The following CACNB4 variants were observed in gnomAD, a reference collection of about 807,000 sequenced individuals.
CACNB4 encodes the protein voltage-dependent L-type calcium channel subunit beta-4.
CACNB4 carries 32 observed loss-of-function variants against 71.2 expected under a neutral mutation model. The observed-to-expected ratio is 0.45, with a 90% CI of 0.34 to 0.60. The LOEUF (loss-of-function observed/expected upper bound fraction) is 0.60, where lower values mean the gene tolerates loss of function less well. CACNB4 is among the 20% of genes least tolerant of loss of function. The pLI, the probability that CACNB4 is intolerant of heterozygous loss-of-function variation, is 0.01. For synonymous variants in CACNB4, 231 were observed against 236.9 expected (o/e 0.97, Z 0.23); for missense variants, 464 against 647.9 (o/e 0.72, Z 3.08).
intron 2 of CACNB4, among the ~76,000 whole-genome samples, chr2:151,952,601 C>A (rs564898872): frequency 1.3e-5 from 2 of 152,082 alleles, no homozygotes; most frequent in Non-Finnish European, 2.9e-5. Flanking sequence ...TAATAATATG[C>A]CTTAGAACGC....
intron 2 of CACNB4, among the ~76,000 whole-genome samples, chr2:151,930,586 T>C (rs529733076): frequency 6.6e-6 from 1 of 152,236 alleles, no homozygotes; most frequent in South Asian, 2.1e-4. Context: ...TGCTCATTAG[T>C]AGGGGATTGG....
At chr2:151,859,908 A>G (rs571397074) in intron 10 of CACNB4, 1 of 152,254 alleles carries the variant, frequency 6.6e-6, no homozygotes, top group East Asian at 1.9e-4. Flanking sequence ...TTTTTCTATT[A>G]TCTATAGAGC....
chr2:152,006,216 A>G (rs1415493068), intron 2 of CACNB4, among the ~76,000 whole-genome samples: 2 of 152,036 alleles, frequency 1.3e-5, no homozygotes, highest in Non-Finnish European at 2.9e-5. Context: ...CACATTGCCC[A>G]GGATTTATGT....
rs995661557 is a variant in CACNB4, at chr2:151,834,454, T to C, written c.*4665A>G. ...GATGAGATACTTTCTAGTCTTCTCATAATGTCCCTCAATTACATGAAGCAT... is the reference window on the plus strand; with the variant it reads ...GATGAGATACTTTCTAGTCTTCTCACAATGTCCCTCAATTACATGAAGCAT... On this transcript the variant is annotated 3_prime_UTR_variant, in exon 14 of 14. Coordinates refer to ENST00000539935, the MANE Select transcript of CACNB4 (RefSeq NM_000726.5). The C allele has an allele frequency of 1.3e-5, 2 of 152,006 alleles. No homozygotes were observed. The highest frequency in any genetic ancestry group is 4.8e-5 in the African/African-American group (2 of 41,446). 9.4% of individuals were successfully genotyped at this position (152,006 alleles called of 1,614,324 possible).
At chr2:151,977,601 GGAGA>G (rs2099874049) in intron 2 of CACNB4, among the ~76,000 whole-genome samples, 1 of 152,190 alleles carries the variant, frequency 6.6e-6, no homozygotes, top group South Asian at 2.1e-4. Flanking sequence ...GAGAGAAGAA[GGAGA>G]GAAAAGCCAA....
At position 151,880,826 on chromosome 2, in the gene CACNB4, C is replaced by T; in HGVS notation, c.364G>A (p.Ala122Thr). 6.2e-7 allele frequency: 1 copy of T among 1,613,260 alleles called. No homozygotes were observed. The highest frequency in any genetic ancestry group is 8.5e-7 in the Non-Finnish European group (1 of 1,179,536). ...TCTTTAATATGTAGAAAGTCTTTAG[C>T]ATCAAAGGAGATAGCTGTGCTTGGA... is the stretch of plus-strand genomic sequence containing the variant. ...PVPSTAISFD[A>T]KDFLHIKEKY... The change falls in exon 4 of 14, where the codon GCT (alanine) becomes ACT (threonine). Residue 122 changes from alanine to threonine, a missense_variant. Ala to Thr is a moderately conservative substitution (Grantham distance 58). Transcript: ENST00000539935.
At chr2:152,002,861 T>C (rs921288937) in intron 2 of CACNB4, among the ~76,000 whole-genome samples, 27 of 152,246 alleles carry the variant, frequency 1.8e-4, no homozygotes, top group African/African-American at 5.8e-4. Context: ...GAGGTACTAG[T>C]GTTAGCAGGA....
chr2:151,988,164 TA>T, intron 2 of CACNB4, among the ~76,000 whole-genome samples: 1 of 152,326 alleles, frequency 6.6e-6, no homozygotes, highest in East Asian at 1.9e-4. Flanking sequence ...ACTGCTACTG[TA>T]TTTTTTTTTC....
intron 2 of CACNB4, among the ~76,000 whole-genome samples, chr2:152,087,600 G>T (rs534851362): frequency 3.3e-5 from 5 of 151,622 alleles, no homozygotes; most frequent in African/African-American, 7.3e-5. Flanking sequence ...CTATCCTCAC[G>T]CCAGCATCTA....
At chr2:151,997,780 T>A (rs1682148670) in intron 2 of CACNB4, among the ~76,000 whole-genome samples, 1 of 152,152 alleles carries the variant, frequency 6.6e-6, no homozygotes, top group Non-Finnish European at 1.5e-5. Context: ...GTGTGCTATT[T>A]TACACCACCG....
rs767080897 is a variant in CACNB4, at chr2:152,098,970, C to T, written c.42G>A (p.Gly14=). 2.6e-6 allele frequency: 4 copies of T among 1,529,504 alleles called. No homozygotes were observed. The African/African-American group carries it at 4.2e-5, about 16-fold the overall frequency. 94.7% of individuals were successfully genotyped at this position (1,529,504 alleles called of 1,614,324 possible). A position where few individuals can be genotyped will look rare whatever the true frequency, so the allele number is the denominator to read the frequency against. The change falls in exon 1 of 14, where the codon GGG becomes GGA. Residue 14 remains glycine, a synonymous_variant. Coordinates refer to ENST00000539935, the MANE Select transcript of CACNB4 (RefSeq NM_000726.5). The surrounding 1 kb of genome is among the most constrained non-coding windows in gnomAD (Gnocchi z 5.3). ...SSYAKNGTAD[G]PHSPTSQVAR... ...GTACCTGCGAGGTGGGGGAGTGCGG[C>T]CCGTCCGCGGTCCCGTTCTTGGCGT...
chr2:152,076,224 C>A (rs1687006857), intron 2 of CACNB4, among the ~76,000 whole-genome samples: 1 of 140,338 alleles, frequency 7.1e-6, no homozygotes, highest in African/African-American at 2.6e-5. Flanking sequence ...CTCACTGCAA[C>A]CTCTGCCTCC....
chr2:152,093,463 C>G (rs930415497), intron 2 of CACNB4, among the ~76,000 whole-genome samples: 1 of 149,494 alleles, frequency 6.7e-6, no homozygotes, highest in Non-Finnish European at 1.5e-5. Context: ...ATAACGTGAC[C>G]TTGTTGCACC....
intron 2 of CACNB4, among the ~76,000 whole-genome samples, chr2:152,097,229 C>T (rs905819581): frequency 1.3e-5 from 2 of 152,050 alleles, no homozygotes; most frequent in Admixed American, 6.5e-5. Flanking sequence ...TAGGAGAGGT[C>T]TGAGTTCAAT....
At chr2:151,975,170 G>A (rs981704814) in intron 2 of CACNB4, among the ~76,000 whole-genome samples, 1 of 152,230 alleles carries the variant, frequency 6.6e-6, no homozygotes, top group Admixed American at 6.5e-5. Flanking sequence ...TTTGTCAGCT[G>A]GAAGGCACTG....
intron 2 of CACNB4, among the ~76,000 whole-genome samples, chr2:152,057,318 C>G (rs909090212): frequency 2.0e-5 from 3 of 152,150 alleles, no homozygotes; most frequent in Non-Finnish European, 1.5e-5. Flanking sequence ...CTCATTGCAG[C>G]CTTGTGACTA....
chr2:151,955,735 T>A (rs2151678668), intron 2 of CACNB4, among the ~76,000 whole-genome samples: 1 of 151,630 alleles, frequency 6.6e-6, no homozygotes, highest in African/African-American at 2.4e-5. Context: ...TGAGACCCCA[T>A]CTCCACAAAA....
intron 2 of CACNB4, among the ~76,000 whole-genome samples, chr2:152,006,784 G>A (rs372410005): frequency 2.8e-4 from 43 of 152,158 alleles, no homozygotes; most frequent in African/African-American, 8.7e-4. Flanking sequence ...ACCAACCATC[G>A]TCATGGCAGC....
intron 6 of CACNB4, 86 bp downstream of exon 6, chr2:151,872,331 C>A: frequency 1.3e-6 from 1 of 751,736 alleles, no homozygotes; most frequent in South Asian, 1.6e-5. Context: ...AAATTGTTTC[C>A]AAATTAGCAA....
Sources: allele counts gnomAD v4.1 joint callset (sites outside exome capture counted in the v4.1 genomes callset), GRCh38; gene constraint gnomAD v4.1.1; non-coding constraint Gnocchi (gnomAD v3.1); transcripts MANE v1.5; gene names NCBI Gene and HGNC (gene_info 2026-07-23, HGNC 2026-07-21).